DAB1: variants seen among roughly 807,000 people sequenced by gnomAD.
The protein encoded by DAB1 is DAB adaptor protein 1.
A neutral mutation model predicts 64.6 loss-of-function variants in DAB1; 15 were observed. That is an observed-to-expected ratio of 0.23 (90% CI 0.16 to 0.36). DAB1 has a LOEUF of 0.36. Ranked by LOEUF, DAB1 falls within the 10% of genes least tolerant of loss-of-function variation. The probability of loss-of-function intolerance (pLI) is 1.00; values close to 1 mark genes in which losing one functional copy is unlikely to be tolerated. For synonymous variants in DAB1, 235 were observed against 251.9 expected (o/e 0.93, Z 0.64); for missense variants, 596 against 706.7 (o/e 0.84, Z 1.78).
At chr1:57,687,018 C>T (rs868118029) in intron 6 of DAB1, among the ~76,000 whole-genome samples, 1 of 152,114 alleles carries the variant, frequency 6.6e-6, no homozygotes, top group South Asian at 2.1e-4. Context: ...CACTCCCATT[C>T]AACATAGTCC....
At chr1:58,142,679 T>C (rs1395767459) in intron 5 of DAB1, among the ~76,000 whole-genome samples, 1 of 152,244 alleles carries the variant, frequency 6.6e-6, no homozygotes, top group Non-Finnish European at 1.5e-5. Flanking sequence ...CCTAACCTTC[T>C]ATATTTCACA....
At chr1:57,499,628 G>T (rs1644268033) in intron 7 of DAB1, among the ~76,000 whole-genome samples, 1 of 152,164 alleles carries the variant, frequency 6.6e-6, no homozygotes, top group African/African-American at 2.4e-5. Context: ...AAACCAGGGA[G>T]GCAAGGAAGT....
intron 1 of DAB1, among the ~76,000 whole-genome samples, chr1:57,344,202 C>A (rs1677900124): frequency 2.0e-5 from 3 of 152,168 alleles, no homozygotes; most frequent in African/African-American, 7.2e-5. Flanking sequence ...AAAGTCTTTG[C>A]TCTTTGCATA....
intron 1 of DAB1, among the ~76,000 whole-genome samples, chr1:57,332,991 C>T (rs191365970): frequency 4.7e-4 from 72 of 152,286 alleles, no homozygotes; most frequent in Non-Finnish European, 9.6e-4. Flanking sequence ...TCGCTTTGCT[C>T]TTTGCGTGGC....
chr1:57,986,227 C>G (rs1646214653), intron 5 of DAB1, among the ~76,000 whole-genome samples: 1 of 152,084 alleles, frequency 6.6e-6, no homozygotes, highest in South Asian at 2.1e-4. Context: ...CTGCAAAATT[C>G]ATATATTGAA....
chr1:58,387,722 C>G (rs3082798), intron 3 of DAB1, among the ~76,000 whole-genome samples: 5 of 65,526 alleles, frequency 7.6e-5, no homozygotes, highest in Admixed American at 1.7e-4. Flanking sequence ...CTTTTCTTTT[C>G]TTTTTTTTTT....
intron 7 of DAB1, among the ~76,000 whole-genome samples, chr1:57,491,045 A>T (rs1644156376): frequency 6.6e-6 from 1 of 152,194 alleles, no homozygotes. Flanking sequence ...TTCGGATCCA[A>T]TTCCCATCTC....
intron 4 of DAB1, among the ~76,000 whole-genome samples, chr1:58,242,170 G>A (rs1209543494): frequency 1.3e-5 from 2 of 152,046 alleles, no homozygotes; most frequent in Non-Finnish European, 2.9e-5. Flanking sequence ...TTGACTCAAG[G>A]AGAGCTGGAT....
intron 2 of DAB1, among the ~76,000 whole-genome samples, chr1:57,187,037 C>A (rs954018859): frequency 6.6e-6 from 1 of 152,064 alleles, no homozygotes; most frequent in African/African-American, 2.4e-5. Flanking sequence ...CTAAAAGATA[C>A]CAGGAGGTAA....
chr1:56,997,386 G>C lies in DAB1; in HGVS notation c.*758C>G, dbSNP rs1278788493. 2 of 152,090 alleles carry C rather than the reference G, an allele frequency of 1.3e-5. No homozygotes were observed. The highest frequency in any genetic ancestry group is 4.8e-5 in the African/African-American group (2 of 41,414). 9.4% of individuals were successfully genotyped at this position (152,090 alleles called of 1,614,324 possible). The stretch of plus-strand genomic sequence containing the variant: ...TTCACCAGGATGCAGAATAGCTAAA[G>C]GACTGTTTTGGCAACATTCGTGATC... On this transcript the variant is annotated 3_prime_UTR_variant, in exon 15 of 15. Coordinates refer to ENST00000371236, the MANE Select transcript of DAB1 (RefSeq NM_001365792.1).
intron 5 of DAB1, 52 bp downstream of exon 5, chr1:57,072,231 T>A: frequency 1.9e-6 from 3 of 1,604,906 alleles, no homozygotes; most frequent in Non-Finnish European, 2.6e-6. Flanking sequence ...GTCACTGGAC[T>A]GTCCCCCCAG....
At chr1:57,648,849 C>G (rs1190770760) in intron 7 of DAB1, among the ~76,000 whole-genome samples, 5 of 152,192 alleles carry the variant, frequency 3.3e-5, no homozygotes, top group Admixed American at 1.3e-4. Context: ...GAGCAATGCT[C>G]TGTTCATCCT....
intron 7 of DAB1, among the ~76,000 whole-genome samples, chr1:57,506,617 G>A (rs1644347178): frequency 6.6e-6 from 1 of 152,162 alleles, no homozygotes; most frequent in Non-Finnish European, 1.5e-5. Context: ...CAAGGGAAGG[G>A]AACTCCTGTG....
chr1:57,901,592 T>C (rs1328577772), intron 5 of DAB1, among the ~76,000 whole-genome samples: 1 of 152,128 alleles, frequency 6.6e-6, no homozygotes, highest in Non-Finnish European at 1.5e-5. Flanking sequence ...TGGCCTTTCT[T>C]TTCCCAGAGC....
intron 1 of DAB1, among the ~76,000 whole-genome samples, chr1:57,390,092 CT>C (rs1682218470): frequency 6.6e-6 from 1 of 152,228 alleles, no homozygotes. Flanking sequence ...ACATACCAAA[CT>C]TTCTTCAACA....
chr1:57,574,102 T>A (rs529589649), intron 7 of DAB1, among the ~76,000 whole-genome samples: 1 of 152,280 alleles, frequency 6.6e-6, no homozygotes, highest in South Asian at 2.1e-4. Flanking sequence ...ATCCTGGGGA[T>A]TTTTCCAAAC....
intron 6 of DAB1, among the ~76,000 whole-genome samples, chr1:57,666,876 G>C (rs1208737622): frequency 1.3e-5 from 2 of 150,990 alleles, no homozygotes; most frequent in Admixed American, 6.6e-5. Context: ...GAGAGGGAGG[G>C]GGAAGGGGAG....
chr1:57,870,414 A>G (rs1024634914), intron 1 of DAB1, among the ~76,000 whole-genome samples: 10 of 152,098 alleles, frequency 6.6e-5, no homozygotes, highest in Non-Finnish European at 1.3e-4. Flanking sequence ...TGGAGGAAGC[A>G]TTTAATGTGA....
At chr1:57,328,613 A>T (rs1264400213) in intron 1 of DAB1, among the ~76,000 whole-genome samples, 1 of 152,210 alleles carries the variant, frequency 6.6e-6, no homozygotes, top group Non-Finnish European at 1.5e-5. Flanking sequence ...GGACAGTAAG[A>T]CCTGCATAAA....
Sources: allele counts gnomAD v4.1 joint callset (sites outside exome capture counted in the v4.1 genomes callset), GRCh38; gene constraint gnomAD v4.1.1; transcripts MANE v1.5; gene names NCBI Gene and HGNC (gene_info 2026-07-23, HGNC 2026-07-21).